BIRC2: variants seen among roughly 807,000 people sequenced by gnomAD.
BIRC2 encodes the protein baculoviral IAP repeat-containing protein 2.
In BIRC2, 18 loss-of-function variants were observed where a neutral mutation model predicts 60.9. That is an observed-to-expected ratio of 0.30 (90% CI 0.20 to 0.44). The LOEUF is 0.44. Among genes scored for constraint, BIRC2 ranks in the 20% least tolerant of loss-of-function variants. The pLI is 1.00. For missense variants in BIRC2, 701 were observed against 728.5 expected (o/e 0.96, Z 0.43); for synonymous variants, 282 against 247.7 (o/e 1.14, Z -1.30).
chr11:102,371,632 T>C (rs1168006890), intron 6 of BIRC2, among the ~76,000 whole-genome samples: 4 of 148,636 alleles, frequency 2.7e-5, no homozygotes, highest in Non-Finnish European at 4.5e-5. Context: ...AATTCTCTTT[T>C]TTTGTTGTGT....
chr11:102,355,391 G>A (rs1022314079), intron 3 of BIRC2, among the ~76,000 whole-genome samples: 1 of 152,124 alleles, frequency 6.6e-6, no homozygotes, highest in African/African-American at 2.4e-5. Flanking sequence ...AACATTGTGT[G>A]TTCTTTGTGC....
chr11:102,377,267 G>A (rs1951725986), intron 6 of BIRC2, among the ~76,000 whole-genome samples: 1 of 152,106 alleles, frequency 6.6e-6, no homozygotes, highest in Non-Finnish European at 1.5e-5. Flanking sequence ...ACAAAATAAA[G>A]TAAAAGCGGA....
intron 6 of BIRC2, among the ~76,000 whole-genome samples, chr11:102,373,728 G>A (rs1951664221): frequency 6.6e-6 from 1 of 150,884 alleles, no homozygotes; most frequent in Admixed American, 6.6e-5. Context: ...TTGCTAGATT[G>A]GGGAAGTTCT....
At chr11:102,366,607 T>C (rs1951555613) in intron 5 of BIRC2, among the ~76,000 whole-genome samples, 2 of 151,956 alleles carry the variant, frequency 1.3e-5, no homozygotes, top group Non-Finnish European at 2.9e-5. Flanking sequence ...CCTCACCTCA[T>C]GATCCGCCCG....
intron 4 of BIRC2, among the ~76,000 whole-genome samples, chr11:102,363,221 C>A (rs1951505793): frequency 6.6e-6 from 1 of 152,054 alleles, no homozygotes; most frequent in Non-Finnish European, 1.5e-5. Flanking sequence ...TTTTTGAGGG[C>A]TTTTTAAAAA....
rs1351743517 is a variant in BIRC2, at chr11:102,364,172, T to TATATATATATATATATATAC, written c.1123+459_1123+460insTATATATATATATATACATA. Among the ~76,000 whole-genome samples, 5 of 89,722 alleles carry TATATATATATATATATATAC rather than the reference T, an allele frequency of 5.6e-5. No individual in the cohort carries two copies. In the East Asian group the frequency reaches 1.4e-3, roughly 26 times the overall value. The allele number at this position is 89,722 out of a possible 152,430, so 58.9% of individuals were successfully genotyped here. A position where few individuals can be genotyped will look rare whatever the true frequency, so the allele number is the denominator to read the frequency against. ...ATATATATATATATATATATATATATATACACACACACACAGAGAGAGAGA... is the reference window on the plus strand; with the variant it reads ...ATATATATATATATATATATATATATATATATATATATATATATACATACACACACACACAGAGAGAGAGA... On this transcript the variant is annotated intron_variant, in intron 5 of 8. Transcript: ENST00000227758.
Position 102,350,402 on chromosome 11 carries a change from C to G in BIRC2, c.548C>G (p.Thr183Ser), listed in dbSNP as rs765828072. The change falls in exon 2 of 9, where the codon ACT becomes AGT. Residue 183 changes from threonine (T) to serine (S), a missense_variant. Thr to Ser is a moderately conservative substitution (Grantham distance 58). Around this residue, in one of 4 missense-constraint regions of BIRC2, gnomAD observed 375 missense variants for 365.9 expected, o/e 1.02. Coordinates refer to ENST00000227758, the MANE Select transcript of BIRC2 (RefSeq NM_001166.5). ...AACCCCTACAGTTATGCAATGAGTA[C>G]TGAAGAAGCCAGATTTCTTACCTAC... ...RTNPYSYAMS[T>S]EEARFLTYHM... 2 of 1,614,200 alleles carry G rather than the reference C, an allele frequency of 1.2e-6. No homozygotes were observed. The highest frequency in any genetic ancestry group is 1.3e-5 in the African/African-American group (1 of 75,062).
intron 6 of BIRC2, among the ~76,000 whole-genome samples, chr11:102,370,425 C>T (rs990629147): frequency 6.7e-5 from 9 of 133,996 alleles, no homozygotes; most frequent in Admixed American, 4.5e-4. Flanking sequence ...AATAGGGAAT[C>T]CTTTCCCCAT....
intron 6 of BIRC2, among the ~76,000 whole-genome samples, chr11:102,376,811 C>T (rs756293270): frequency 2.0e-4 from 30 of 152,068 alleles, no homozygotes; most frequent in Non-Finnish European, 2.5e-4. Flanking sequence ...TCAATCCTTA[C>T]AACTTTGAGG....
intron 5 of BIRC2, among the ~76,000 whole-genome samples, chr11:102,364,174 T>TATATACAC (rs1389968594): frequency 3.6e-3 from 279 of 77,988 alleles, no homozygotes; most frequent in East Asian, 0.014. Context: ...TATATATATA[T>TATATACAC]ACACACACAC....
At chr11:102,364,739 C>T (rs1951534220) in intron 5 of BIRC2, among the ~76,000 whole-genome samples, 1 of 152,048 alleles carries the variant, frequency 6.6e-6, no homozygotes, top group Non-Finnish European at 1.5e-5. Flanking sequence ...AACCATGGCT[C>T]AGGAGGATTG....
At chr11:102,364,174 T>TAC (rs376590420) in intron 5 of BIRC2, among the ~76,000 whole-genome samples, 999 of 77,626 alleles carry the variant, frequency 0.013, 6 homozygotes, top group Middle Eastern at 0.022. Context: ...TATATATATA[T>TAC]ACACACACAC....
At chr11:102,356,098 T>A (rs1301010973) in intron 3 of BIRC2, among the ~76,000 whole-genome samples, 1 of 152,180 alleles carries the variant, frequency 6.6e-6, no homozygotes, top group Non-Finnish European at 1.5e-5. Flanking sequence ...TTTTCTTGCT[T>A]AATTGCTCTG....
At position 102,369,251 on chromosome 11, in the gene BIRC2, T is replaced by G. The variant is rs11225231; in HGVS notation, c.1366+703T>G. Among the ~76,000 whole-genome samples, 385 of 150,418 alleles carry G rather than the reference T, an allele frequency of 2.6e-3. 5 individuals are homozygous for G. In the East Asian group the frequency reaches 0.042, roughly 17 times the overall value. On this transcript the variant is annotated intron_variant, in intron 6 of 8. Coordinates refer to ENST00000227758, the MANE Select transcript of BIRC2 (RefSeq NM_001166.5). Reference sequence around the variant, plus strand: ...CATATGTATACATGTGCCATGCTGGTGCGCTGCACCCACTAACTCATCATC... The same window carrying G: ...CATATGTATACATGTGCCATGCTGGGGCGCTGCACCCACTAACTCATCATC...
chr11:102,365,173 C>T (rs1390365302), intron 5 of BIRC2, among the ~76,000 whole-genome samples: 1 of 152,152 alleles, frequency 6.6e-6, no homozygotes, highest in Non-Finnish European at 1.5e-5. Flanking sequence ...TTGCCCTTTT[C>T]TAAGGCCATT....
chr11:102,364,264 A>G (rs758706703), intron 5 of BIRC2, among the ~76,000 whole-genome samples: 33 of 148,662 alleles, frequency 2.2e-4, no homozygotes, highest in Non-Finnish European at 4.0e-4. Context: ...TTTTTGTTCT[A>G]GTGCTATACT....
chr11:102,350,199 T>C lies in BIRC2; in HGVS notation c.345T>C (p.Asn115=), dbSNP rs979075572. ...ATCCTAGCTGTAGCTTTATTCAGAATCTGGTTTCAGCTAGTCTGGGATCCA... is the reference window on the plus strand; with the variant it reads ...ATCCTAGCTGTAGCTTTATTCAGAACCTGGTTTCAGCTAGTCTGGGATCCA... ...QLYPSCSFIQ[N]LVSASLGSTS... The change falls in exon 2 of 9, where the codon AAT becomes AAC. Residue 115 remains asparagine, a synonymous_variant. Coordinates refer to ENST00000227758, the MANE Select transcript of BIRC2 (RefSeq NM_001166.5). The C allele has an allele frequency of 1.9e-6, 3 of 1,614,248 alleles. No homozygotes were observed. The highest frequency in any genetic ancestry group is 1.1e-5 in the South Asian group (1 of 91,084).
intron 3 of BIRC2, among the ~76,000 whole-genome samples, chr11:102,361,031 C>T (rs1951479498): frequency 1.3e-5 from 2 of 152,106 alleles, no homozygotes; most frequent in African/African-American, 4.8e-5. Flanking sequence ...ACCTCTTCAT[C>T]ACTTTTTCTC....
chr11:102,367,203 A>G (rs1423974390), intron 5 of BIRC2, among the ~76,000 whole-genome samples: 1 of 152,226 alleles, frequency 6.6e-6, no homozygotes, highest in Non-Finnish European at 1.5e-5. Context: ...GGCTAGGTAT[A>G]TACCAGTTTA....
Sources: allele counts gnomAD v4.1 joint callset (sites outside exome capture counted in the v4.1 genomes callset), GRCh38; gene constraint gnomAD v4.1.1; regional missense constraint gnomAD v4.1.1; transcripts MANE v1.5; gene names NCBI Gene and HGNC (gene_info 2026-07-23, HGNC 2026-07-21).